Variants in ZNF131 observed in about 807,000 individuals in gnomAD.
ZNF131 encodes zinc finger and BTB domain containing 35, also known as zinc finger protein 131.
In ZNF131, 7 loss-of-function variants were observed where a neutral mutation model predicts 60.0. The observed-to-expected ratio is 0.12, with a 90% CI of 0.07 to 0.22. The LOEUF (loss-of-function observed/expected upper bound fraction) is 0.22, where lower values mean the gene tolerates loss of function less well. Ranked by LOEUF, ZNF131 falls within the 10% of genes least tolerant of loss-of-function variation. The pLI, the probability that ZNF131 is intolerant of heterozygous loss-of-function variation, is 1.00. For missense variants in ZNF131, 493 were observed against 740.9 expected (o/e 0.67, Z 3.88); for synonymous variants, 257 against 253.2 (o/e 1.01, Z -0.14).
At chr5:43,122,245 CCTTTT>C in intron 2 of ZNF131, 68 bp downstream of exon 2, 3 of 1,388,360 alleles carry the variant, frequency 2.2e-6, no homozygotes, top group Non-Finnish European at 2.9e-6. Flanking sequence ...CGGACACCCG[CCTTTT>C]TTTTTTTTTT....
chr5:43,138,710 T>C (rs1347953992), intron 3 of ZNF131, among the ~76,000 whole-genome samples: 2 of 152,036 alleles, frequency 1.3e-5, no homozygotes, highest in East Asian at 1.9e-4. Flanking sequence ...TGAGAAATAG[T>C]ATATAGTGTG....
intron 3 of ZNF131, among the ~76,000 whole-genome samples, chr5:43,132,394 G>A (rs777875773): frequency 5.3e-5 from 8 of 151,668 alleles, no homozygotes; most frequent in Non-Finnish European, 8.8e-5. Context: ...GCTTTTAGAC[G>A]TTTTGAAAAT....
intron 2 of ZNF131, among the ~76,000 whole-genome samples, chr5:43,122,513 A>T (rs1743998044): frequency 6.6e-6 from 1 of 152,130 alleles, no homozygotes; most frequent in Admixed American, 6.5e-5. Context: ...AAGCTTTGAG[A>T]AGTCCCTTAC....
intron 6 of ZNF131, among the ~76,000 whole-genome samples, chr5:43,173,837 A>G (rs768755993): frequency 6.6e-6 from 1 of 152,216 alleles, no homozygotes; most frequent in Non-Finnish European, 1.5e-5. Context: ...ATTATTTGGT[A>G]AATGTTCTAT....
chr5:43,131,539 C>A (rs1745358049), intron 3 of ZNF131, among the ~76,000 whole-genome samples: 1 of 152,080 alleles, frequency 6.6e-6, no homozygotes, highest in African/African-American at 2.4e-5. Context: ...GTGGAAGATC[C>A]CCCTCACAAG....
chr5:43,151,393 TCTCTTATAACCAC>T (rs2111742947), intron 4 of ZNF131, among the ~76,000 whole-genome samples: 1 of 152,284 alleles, frequency 6.6e-6, no homozygotes, highest in Non-Finnish European at 1.5e-5. Context: ...CACTTGATGG[TCTCTTATAACCAC>T]CTCTTAGGTG....
In ZNF131 at chr5:43,174,614, G is replaced by A. The variant is rs375685272; in HGVS notation, c.1353G>A (p.Thr451=). Residue 451 remains threonine, a synonymous_variant, in exon 7 of 7, where the codon ACG becomes ACA. Coordinates refer to ENST00000682664, the MANE Select transcript of ZNF131 (RefSeq NM_001330707.2). ...DAHNISERLV[T]EEVLSVETRV... is the part of the protein sequence containing the mutation. The stretch of plus-strand genomic sequence containing the variant: ...ACAATATTTCAGAGCGTCTAGTAAC[G>A]GAAGAAGTTCTTTCAGTAGAAACAC... The A allele has an allele frequency of 3.0e-5, 48 of 1,614,070 alleles. No homozygotes were observed. Among genetic ancestry groups the A allele is most frequent in the Non-Finnish European group, 4.0e-5 (47 of 1,179,982 alleles).
chr5:43,155,385 AG>A (rs2111823451), intron 4 of ZNF131, among the ~76,000 whole-genome samples: 1 of 152,288 alleles, frequency 6.6e-6, no homozygotes, highest in South Asian at 2.1e-4. Flanking sequence ...TAATTTTCTC[AG>A]ATTTGGTGTA....
chr5:43,128,390 C>T (rs1054499393), intron 3 of ZNF131, among the ~76,000 whole-genome samples: 1 of 152,062 alleles, frequency 6.6e-6, no homozygotes, highest in Non-Finnish European at 1.5e-5. Context: ...GGCATGGTGG[C>T]TCACGCCTGT....
chr5:43,172,606 A>AG (rs1285802888), intron 5 of ZNF131, among the ~76,000 whole-genome samples: 1 of 147,218 alleles, frequency 6.8e-6, no homozygotes, highest in African/African-American at 2.5e-5. Flanking sequence ...TAGGTGACAG[A>AG]GTAAGACTCT....
At chr5:43,142,565 A>C (rs552336281) in intron 4 of ZNF131, among the ~76,000 whole-genome samples, 16 of 151,924 alleles carry the variant, frequency 1.1e-4, no homozygotes, top group African/African-American at 3.9e-4. Context: ...CGACCTCCCA[A>C]AGTGCTGGGA....
At chr5:43,140,647 A>G (rs1431368571) in intron 4 of ZNF131, among the ~76,000 whole-genome samples, 1 of 152,236 alleles carries the variant, frequency 6.6e-6, no homozygotes, top group East Asian at 1.9e-4. Flanking sequence ...ACAATGATTT[A>G]ATCTTAACTC....
At chr5:43,139,611 T>G (rs756144069) in intron 4 of ZNF131, among the ~76,000 whole-genome samples, 2 of 152,206 alleles carry the variant, frequency 1.3e-5, no homozygotes, top group East Asian at 3.8e-4. Flanking sequence ...TTCAAGTTAT[T>G]GTTTATACCA....
Position 43,161,816 on chromosome 5 carries a change from A to G in ZNF131, c.939A>G (p.Glu313=). 3 of 1,614,200 alleles carry G rather than the reference A, an allele frequency of 1.9e-6. No homozygotes were observed. Among genetic ancestry groups the G allele is most frequent in the Non-Finnish European group, 2.5e-6 (3 of 1,180,020 alleles). The part of the protein sequence containing the change: ...WKQHLNCYHL[E]EGGVSKKQRT... ...AGCACCTAAATTGTTACCACCTTGA[A>G]GAAGGTGGAGTCAGTAAGAAGCAAA... Residue 313 remains glutamate (E), a synonymous_variant, in exon 5 of 7, where the codon GAA becomes GAG. Transcript: ENST00000682664.
intron 3 of ZNF131, among the ~76,000 whole-genome samples, chr5:43,137,744 G>T (rs1456414700): frequency 1.3e-5 from 2 of 152,134 alleles, no homozygotes; most frequent in East Asian, 1.9e-4. Flanking sequence ...TTATCCAAAA[G>T]AACTGAAATC....
At chr5:43,127,408 A>G (rs770623862) in intron 3 of ZNF131, among the ~76,000 whole-genome samples, 5 of 152,204 alleles carry the variant, frequency 3.3e-5, no homozygotes, top group African/African-American at 4.8e-5. Context: ...GATCATTTGG[A>G]AACTTGTTAG....
At chr5:43,140,776 G>A (rs1746716282) in intron 4 of ZNF131, among the ~76,000 whole-genome samples, 2 of 152,152 alleles carry the variant, frequency 1.3e-5, no homozygotes, top group South Asian at 2.1e-4. Flanking sequence ...GAGTGCAGTG[G>A]CACAATCTCG....
At chr5:43,122,268 T>A (rs1451789413) in intron 2 of ZNF131, 91 bp downstream of exon 2, 5 of 1,206,742 alleles carry the variant, frequency 4.1e-6, no homozygotes, top group South Asian at 1.5e-5. Context: ...TTTTTTTTTT[T>A]TAACCCATCC....
Position 43,139,185 on chromosome 5 carries a change from C to G in ZNF131, c.247C>G (p.Arg83Gly). 2 of 1,599,056 alleles carry G rather than the reference C, an allele frequency of 1.3e-6. No homozygotes were observed. The highest frequency in any genetic ancestry group is 1.7e-6 in the Non-Finnish European group (2 of 1,173,484). ...TACAGGTGTTAGTAAAATGGCCTTT[C>G]GCCATTTAATTGAGTTCACATATAC... ...EIEGVSKMAF[R>G]HLIEFTYTAK... The change falls in exon 4 of 7, where the codon CGC becomes GGC. Residue 83 changes from arginine (R) to glycine (G), a missense_variant. By Grantham distance (125) the Arg-to-Gly change is moderately radical (BLOSUM62 -2). This residue lies in a region of ZNF131 where 66 missense variants were observed against 148.0 expected (regional missense o/e 0.45). Transcript: ENST00000682664.
Sources: allele counts gnomAD v4.1 joint callset (sites outside exome capture counted in the v4.1 genomes callset), GRCh38; gene constraint gnomAD v4.1.1; regional missense constraint gnomAD v4.1.1; transcripts MANE v1.5; gene names NCBI Gene and HGNC (gene_info 2026-07-23, HGNC 2026-07-21).